Variants in GNPTG observed in about 807,000 individuals in gnomAD.
GNPTG encodes N-acetylglucosamine-1-phosphotransferase subunit gamma.
Under a neutral mutation model 43.8 loss-of-function variants are expected in GNPTG, and 46 were observed. The observed-to-expected ratio is 1.05, with a 90% CI of 0.83 to 1.34. The LOEUF (loss-of-function observed/expected upper bound fraction) is 1.34, where lower values mean the gene tolerates loss of function less well. GNPTG is among the 40% of genes most tolerant of loss of function. GNPTG has a pLI of 0.00. For missense variants in GNPTG, 549 were observed against 411.3 expected (o/e 1.33, Z -2.90); for synonymous variants, 250 against 172.8 (o/e 1.45, Z -3.50).
intron 3 of GNPTG, among the ~76,000 whole-genome samples, chr16:1,355,025 TC>T (rs911949127): frequency 1.3e-5 from 2 of 151,954 alleles, no homozygotes; most frequent in African/African-American, 4.8e-5. Flanking sequence ...GTGGATCGTC[TC>T]CCGCATGTGC....
chr16:1,355,018 G>A (rs985491622), intron 3 of GNPTG, among the ~76,000 whole-genome samples: 6 of 152,184 alleles, frequency 3.9e-5, no homozygotes, highest in Admixed American at 1.3e-4. Flanking sequence ...GTGGGGCGTG[G>A]ATCGTCTCCC....
In GNPTG at chr16:1,354,196, G is replaced by C. The variant is rs1361029993; in HGVS notation, c.178+1890G>C. Among the ~76,000 whole-genome samples, 3 of 126,958 alleles carry C rather than the reference G, an allele frequency of 2.4e-5. No individual in the cohort carries two copies. In the Admixed American group the frequency reaches 2.4e-4, roughly 10 times the overall value. The allele number at this position is 126,958 out of a possible 152,430, so 83.3% of individuals were successfully genotyped here. ...AGCTGGGGAGGAGGCAGGCCACTGT[G>C]TAACAGCGCAGTTCCCGACCGAACC... On this transcript the variant is annotated intron_variant, in intron 3 of 10. Transcript: ENST00000204679.
At chr16:1,352,965 G>T (rs907455468) in intron 3 of GNPTG, among the ~76,000 whole-genome samples, 4 of 106,370 alleles carry the variant, frequency 3.8e-5, no homozygotes, top group Non-Finnish European at 5.4e-5. Context: ...AAAAATCCAA[G>T]AATTTTTTTT....
rs2034919426 is a variant in GNPTG, at chr16:1,362,517, G to A, written c.592G>A (p.Glu198Lys). The change falls in exon 8 of 11, where the codon GAG becomes AAG. Residue 198 changes from glutamate (E) to lysine (K), a missense_variant. Transcript: ENST00000204679. Reference sequence around the variant, plus strand: ...CCAGGTAGAGCAGGACCTGGCCGATGAGCTGATCACCCCCCAGGTAAGCGT... The same window carrying A: ...CCAGGTAGAGCAGGACCTGGCCGATAAGCTGATCACCCCCCAGGTAAGCGT... The part of the protein sequence containing the change: ...WDQVEQDLAD[E>K]LITPQGHEKL... 1 of 1,614,162 alleles carries A rather than the reference G, an allele frequency of 6.2e-7. No individual in the cohort carries two copies. The highest frequency in any genetic ancestry group is 8.5e-7 in the Non-Finnish European group (1 of 1,180,032).
At chr16:1,356,932 C>T (rs1022714441) in intron 3 of GNPTG, among the ~76,000 whole-genome samples, 5 of 30,230 alleles carry the variant, frequency 1.7e-4, no homozygotes, top group Non-Finnish European at 3.5e-4. Context: ...CGGGGGTCTG[C>T]GGGCGGGAGT....
intron 3 of GNPTG, among the ~76,000 whole-genome samples, chr16:1,360,245 T>G (rs1353212012): frequency 6.6e-6 from 1 of 152,240 alleles, no homozygotes; most frequent in South Asian, 2.1e-4. Flanking sequence ...TAAAATAGTT[T>G]CAGCCACTTC....
chr16:1,353,741 C>T (rs1187528556), intron 3 of GNPTG, among the ~76,000 whole-genome samples: 1 of 152,064 alleles, frequency 6.6e-6, no homozygotes, highest in African/African-American at 2.4e-5. Flanking sequence ...CCCAGGCTGG[C>T]CCCAAACTCC....
rs751036365 is a variant in GNPTG at position 1,352,086 on chromosome 16, G to T, written c.53-16G>T. ...CTGCACCCCGGCCTCCCCGCTCACGGTCTCGCTCCCCGTAGGGCCCGCGCC... is the reference window on the plus strand; with the variant it reads ...CTGCACCCCGGCCTCCCCGCTCACGTTCTCGCTCCCCGTAGGGCCCGCGCC... On this transcript the variant is annotated splice_polypyrimidine_tract_variant and intron_variant, in intron 1 of 10. Coordinates refer to ENST00000204679, the MANE Select transcript of GNPTG (RefSeq NM_032520.5). 4.5e-6 allele frequency: 7 copies of T among 1,557,496 alleles called. No homozygotes were observed. In the East Asian group the frequency reaches 1.2e-4, roughly 27 times the overall value.
rs575854401 is a variant in GNPTG, at chr16:1,363,287, G to A, written c.*196G>A. ...TAAACCATTGCATAAATGCTATAGT[G>A]TAAAAAAATTTAAACAAGTGTTAAC... On this transcript the variant is annotated 3_prime_UTR_variant, in exon 11 of 11. Transcript: ENST00000204679. 3 of 606,084 alleles carry A rather than the reference G, an allele frequency of 4.9e-6. No individual in the cohort carries two copies. Among genetic ancestry groups the A allele is most frequent in the East Asian group, 5.8e-5 (2 of 34,486 alleles). The allele number at this position is 606,084 out of a possible 1,614,324, so 37.5% of individuals were successfully genotyped here.
Position 1,363,997 on chromosome 16 carries a change from C to CT in GNPTG, c.*907dup, listed in dbSNP as rs2035038230. 6.6e-6 allele frequency: 1 copy of CT among 152,194 alleles called. No individual in the cohort carries two copies. Among genetic ancestry groups the CT allele is most frequent in the African/African-American group, 2.4e-5 (1 of 41,444 alleles). The allele number at this position is 152,194 out of a possible 1,614,324, so 9.4% of individuals were successfully genotyped here. On this transcript the variant is annotated 3_prime_UTR_variant, in exon 11 of 11. Coordinates refer to ENST00000204679, the MANE Select transcript of GNPTG (RefSeq NM_032520.5). ...CTGGCAGACTAGAGCTCAGCTGCTC[C>CT]TGACCACTGACAACCGGGAGATGTC...
chr16:1,359,788 T>A (rs570222610), intron 3 of GNPTG, among the ~76,000 whole-genome samples: 77 of 152,250 alleles, frequency 5.1e-4, no homozygotes, highest in African/African-American at 1.7e-3. Flanking sequence ...TGCAGATCAC[T>A]CTGGGTGGTA....
chr16:1,352,346 C>G (rs1388208162), intron 3 of GNPTG, 40 bp downstream of exon 3: 2 of 1,539,334 alleles, frequency 1.3e-6, no homozygotes, highest in Non-Finnish European at 1.8e-6. Flanking sequence ...GGGGTGGCCG[C>G]GGGGAGCAGC....
Position 1,352,153 on chromosome 16 carries a change from C to T in GNPTG, c.104C>T (p.Ala35Val). 6.3e-7 allele frequency: 1 copy of T among 1,579,470 alleles called. No homozygotes were observed. The highest frequency in any genetic ancestry group is 8.6e-7 in the Non-Finnish European group (1 of 1,164,378). ...ATGAAGGTGGTGGAGGAGCCCAACGCGTTTGGGTGAGCAGCCTCGCGGGCT... is the reference window on the plus strand; with the variant it reads ...ATGAAGGTGGTGGAGGAGCCCAACGTGTTTGGGTGAGCAGCCTCGCGGGCT... The part of the protein sequence containing the change: ...AKMKVVEEPN[A>V]FGVNNPFLPQ... Residue 35 changes from alanine to valine, a missense_variant, in exon 2 of 11, where the codon GCG becomes GTG. Coordinates refer to ENST00000204679, the MANE Select transcript of GNPTG (RefSeq NM_032520.5).
At position 1,363,005 on chromosome 16, in the gene GNPTG, AACTTGGAGC is replaced by A; in HGVS notation, c.839_847del (p.Glu280_Leu282del). The A allele has an allele frequency of 6.2e-7, 1 of 1,614,100 alleles. No homozygotes were observed. Among genetic ancestry groups the A allele is most frequent in the East Asian group, 2.2e-5 (1 of 44,858 alleles). Reference sequence around the variant, plus strand: ...ACCTGGTGTTTTGGCAGAAACTTCCAACTTGGAGCACTTGGGCCACGAGACGCCCAGAGC... The same window carrying A: ...ACCTGGTGTTTTGGCAGAAACTTCCAACTTGGGCCACGAGACGCCCAGAGC... On this transcript the variant is annotated inframe_deletion, in exon 11 of 11. Coordinates refer to ENST00000204679, the MANE Select transcript of GNPTG (RefSeq NM_032520.5).
intron 3 of GNPTG, among the ~76,000 whole-genome samples, chr16:1,355,533 C>G (rs147488361): frequency 2.0e-5 from 3 of 152,026 alleles, no homozygotes; most frequent in Admixed American, 2.0e-4. Flanking sequence ...TCGGGAGCCT[C>G]GTCCCTTGAC....
intron 3 of GNPTG, chr16:1,361,254 T>C (rs2034864850): frequency 5.4e-6 from 1 of 186,226 alleles, no homozygotes; most frequent in East Asian, 1.4e-4. Flanking sequence ...ACTCTAATTT[T>C]TGAAGGGCTA....
At chr16:1,357,151 G>A (rs1246536228) in intron 3 of GNPTG, among the ~76,000 whole-genome samples, 1 of 152,198 alleles carries the variant, frequency 6.6e-6, no homozygotes, top group African/African-American at 2.4e-5. Context: ...AGGCTGGGAG[G>A]ACAGTGGGTG....
chr16:1,355,127 C>G (rs1168304202), intron 3 of GNPTG, among the ~76,000 whole-genome samples: 85 of 120,866 alleles, frequency 7.0e-4, no homozygotes, highest in East Asian at 9.9e-4. Context: ...GGTCTCCCGC[C>G]TCTGCGGGGT....
chr16:1,354,891 C>T (rs983954606), intron 3 of GNPTG, among the ~76,000 whole-genome samples: 2 of 152,100 alleles, frequency 1.3e-5, no homozygotes, highest in Non-Finnish European at 2.9e-5. Flanking sequence ...CGTGGATACT[C>T]CCCCGCGTCT....
Sources: gnomAD v4.1 joint callset for allele counts (sites outside exome capture counted in the v4.1 genomes callset) on GRCh38, gnomAD v4.1.1 for gene constraint, MANE v1.5 for transcripts, NCBI Gene and HGNC (gene_info 2026-07-23, HGNC 2026-07-21) for gene names.